The following SLCO3A1 variants were observed in gnomAD, a reference collection of about 807,000 sequenced individuals.
SLCO3A1 encodes the protein PGE1 transporter.
Under a neutral mutation model 63.1 loss-of-function variants are expected in SLCO3A1, and 27 were observed. The ratio of observed to expected loss-of-function variants is 0.43; its 90% CI spans 0.32 to 0.59. SLCO3A1 has a LOEUF of 0.59. Ranked by LOEUF, SLCO3A1 falls within the 20% of genes least tolerant of loss-of-function variation. The pLI is 0.09. For synonymous variants in SLCO3A1, 473 were observed against 409.9 expected (o/e 1.15, Z -1.86); for missense variants, 773 against 945.8 (o/e 0.82, Z 2.40).
intron 7 of SLCO3A1, among the ~76,000 whole-genome samples, chr15:92,145,460 T>C (rs1400159684): frequency 6.6e-6 from 1 of 152,166 alleles, no homozygotes; most frequent in African/African-American, 2.4e-5. Context: ...GAAAAGATGC[T>C]AGGGAAAGAA....
chr15:92,059,058 G>A lies in SLCO3A1; in HGVS notation c.647-35823G>A, dbSNP rs1275819708. The stretch of plus-strand genomic sequence containing the variant: ...AGGGTTGGAGCAGTATCTGTTTGAA[G>A]GCACTATCCAACCCACTCTGTCACT... On this transcript the variant is annotated intron_variant, in intron 2 of 9. Transcript: ENST00000318445. Among the ~76,000 whole-genome samples, 3 of 152,186 alleles carry A rather than the reference G, an allele frequency of 2.0e-5. No homozygotes were observed. In the East Asian group the frequency reaches 5.8e-4, roughly 29 times the overall value.
At position 92,165,798 on chromosome 15, in the gene SLCO3A1, C is replaced by T; in HGVS notation, c.*2663C>T. ...TGTACATACAACACTAGATCCAGCC[C>T]CTCGATTATCTGTTTGGTTTCAAGT... On this transcript the variant is annotated 3_prime_UTR_variant, in exon 10 of 10. Coordinates refer to ENST00000318445, the MANE Select transcript of SLCO3A1 (RefSeq NM_013272.4). 2.0e-6 allele frequency: 2 copies of T among 985,288 alleles called. No individual in the cohort carries two copies. Among genetic ancestry groups the T allele is most frequent in the Non-Finnish European group, 2.4e-6 (2 of 829,850 alleles). The allele number at this position is 985,288 out of a possible 1,614,324, so 61.0% of individuals were successfully genotyped here.
Position 92,120,573 on chromosome 15 carries a change from G to T in SLCO3A1, c.1118G>T (p.Gly373Val). Reference sequence around the variant, plus strand: ...GTGGCTGGCTTCGCTGCCTTTTTGGGGAAGTACCTGGAGCAGCAGTTTAAC... The same window carrying T: ...GTGGCTGGCTTCGCTGCCTTTTTGGTGAAGTACCTGGAGCAGCAGTTTAAC... ...AVVAGFAAFL[G>V]KYLEQQFNLT... is the part of the protein sequence containing the mutation. The change falls in exon 5 of 10, where the codon GGG becomes GTG. Residue 373 changes from glycine (G) to valine (V), a missense_variant. Around this residue, in one of 3 missense-constraint regions of SLCO3A1, gnomAD observed 565 missense variants for 749.8 expected, o/e 0.75. Coordinates refer to ENST00000318445, the MANE Select transcript of SLCO3A1 (RefSeq NM_013272.4). The T allele has an allele frequency of 6.2e-7, 1 of 1,613,962 alleles. No homozygotes were observed. Among genetic ancestry groups the T allele is most frequent in the Non-Finnish European group, 8.5e-7 (1 of 1,179,972 alleles).
chr15:92,016,266 A>ATAGAT (rs1555424467), intron 2 of SLCO3A1, among the ~76,000 whole-genome samples: 11 of 134,912 alleles, frequency 8.2e-5, no homozygotes, highest in South Asian at 2.3e-4. Flanking sequence ...AGATAGATAG[A>ATAGAT]TAGATAGATA....
At chr15:91,973,707 T>G (rs1216071610) in intron 2 of SLCO3A1, among the ~76,000 whole-genome samples, 1 of 152,062 alleles carries the variant, frequency 6.6e-6, no homozygotes, top group Non-Finnish European at 1.5e-5. Context: ...TGGCATCTAG[T>G]GGGGAGAGGC....
At chr15:92,160,181 C>T (rs183575754) in intron 9 of SLCO3A1, among the ~76,000 whole-genome samples, 5 of 152,126 alleles carry the variant, frequency 3.3e-5, no homozygotes, top group East Asian at 1.9e-4. Context: ...GATTATGCCC[C>T]GTGCAGAGAT....
At chr15:91,936,605 G>T (rs1168786442) in intron 2 of SLCO3A1, among the ~76,000 whole-genome samples, 2 of 152,216 alleles carry the variant, frequency 1.3e-5, no homozygotes, top group African/African-American at 4.8e-5. Context: ...AAATAGAAAA[G>T]AATGCATGTC....
At chr15:91,901,044 ATTTGT>A (rs1898141854) in intron 1 of SLCO3A1, among the ~76,000 whole-genome samples, 1 of 151,240 alleles carries the variant, frequency 6.6e-6, no homozygotes, top group Non-Finnish European at 1.5e-5. Flanking sequence ...CCATTTTGTG[ATTTGT>A]TTTATGTCTC....
intron 5 of SLCO3A1, among the ~76,000 whole-genome samples, chr15:92,121,061 AC>A (rs1188846417): frequency 2.5e-4 from 38 of 152,184 alleles, no homozygotes; most frequent in Non-Finnish European, 7.3e-5. Flanking sequence ...TGTGCCCACA[AC>A]AGACATAACT....
Position 91,881,776 on chromosome 15 carries a change from G to A in SLCO3A1, c.180+27688G>A, listed in dbSNP as rs976801966. On this transcript the variant is annotated intron_variant, in intron 1 of 9. Coordinates refer to ENST00000318445, the MANE Select transcript of SLCO3A1 (RefSeq NM_013272.4). ...CCGAGTCTACCAGGAAGGGAAACAC[G>A]AACACATACTCCCCTGGCCCAGACT... is the stretch of plus-strand genomic sequence containing the variant. Among the ~76,000 whole-genome samples, 12 of 152,232 alleles carry A rather than the reference G, an allele frequency of 7.9e-5. No homozygotes were observed. The East Asian group carries it at 2.3e-3, about 29-fold the overall frequency.
At position 92,132,335 on chromosome 15, in the gene SLCO3A1, AT is replaced by A. The variant is rs1279340614; in HGVS notation, c.1512+3858del. On this transcript the variant is annotated intron_variant, in intron 7 of 9. Transcript: ENST00000318445. ...AACTTTTCTTCCTGCTCTGGATTGG[AT>A]TTTTTTTTTTTATTTTCTTATATCT... Among the ~76,000 whole-genome samples the A allele has an allele frequency of 4.3e-3, 600 of 138,330 alleles. 37 individuals carry two copies. The highest frequency in any genetic ancestry group is 0.012 in the African/African-American group (453 of 38,636). The allele number at this position is 138,330 out of a possible 152,430, so 90.7% of individuals were successfully genotyped here. A position where few individuals can be genotyped will look rare whatever the true frequency, so the allele number is the denominator to read the frequency against.
intron 9 of SLCO3A1, 33 bp downstream of exon 9, chr15:92,151,047 A>G (rs2048298959): frequency 1.4e-6 from 2 of 1,436,334 alleles, no homozygotes; most frequent in Non-Finnish European, 2.0e-6. Flanking sequence ...CTCAATAATG[A>G]ATTGGATGCT....
At chr15:92,141,571 C>A (rs1793527099) in intron 7 of SLCO3A1, among the ~76,000 whole-genome samples, 1 of 152,218 alleles carries the variant, frequency 6.6e-6, no homozygotes, top group Non-Finnish European at 1.5e-5. Context: ...ATTTGCAGAT[C>A]TAGGGCTTCC....
At chr15:92,098,676 A>T (rs2047568663) in intron 3 of SLCO3A1, among the ~76,000 whole-genome samples, 1 of 152,274 alleles carries the variant, frequency 6.6e-6, no homozygotes, top group South Asian at 2.1e-4. Flanking sequence ...GCACATTCTC[A>T]TGGGAGTGTA....
intron 2 of SLCO3A1, among the ~76,000 whole-genome samples, chr15:92,014,082 C>T (rs2046398646): frequency 6.6e-6 from 1 of 152,170 alleles, no homozygotes; most frequent in African/African-American, 2.4e-5. Flanking sequence ...TTTATCTCCC[C>T]AGATCCAGGC....
At chr15:92,128,558 T>G in intron 7 of SLCO3A1, 69 bp downstream of exon 7, 1 of 1,440,966 alleles carries the variant, frequency 6.9e-7, no homozygotes, top group South Asian at 1.3e-5. Flanking sequence ...CCCAAGTTTT[T>G]GCCCAGGTTG....
chr15:92,162,857 A>T lies in SLCO3A1; in HGVS notation c.1855A>T (p.Asn619Tyr). The change falls in exon 10 of 10, where the codon AAT becomes TAT. Residue 619 changes from asparagine to tyrosine, a missense_variant. Coordinates refer to ENST00000318445, the MANE Select transcript of SLCO3A1 (RefSeq NM_013272.4). Reference sequence around the variant, plus strand: ...GCAAGGCGCCTGCGTCCTCTACGACAATGTGGTCTACCGATACCTGTATGT... The same window carrying T: ...GCAAGGCGCCTGCGTCCTCTACGACTATGTGGTCTACCGATACCTGTATGT... ...GEQGACVLYD[N>Y]VVYRYLYVSI... The T allele has an allele frequency of 6.2e-7, 1 of 1,614,170 alleles. No homozygotes were observed. Among genetic ancestry groups the T allele is most frequent in the Non-Finnish European group, 8.5e-7 (1 of 1,180,034 alleles).
At chr15:91,888,886 G>T (rs1469419850) in intron 1 of SLCO3A1, among the ~76,000 whole-genome samples, 2 of 152,056 alleles carry the variant, frequency 1.3e-5, no homozygotes, top group African/African-American at 4.8e-5. Flanking sequence ...GCACACACCT[G>T]TAGCTCTAGC....
chr15:92,017,855 T>C (rs901731525), intron 2 of SLCO3A1, among the ~76,000 whole-genome samples: 1 of 151,848 alleles, frequency 6.6e-6, no homozygotes, highest in African/African-American at 2.4e-5. Flanking sequence ...CTTGGAGACA[T>C]AGGCAGAGGT....
Sources: gnomAD v4.1 joint callset for allele counts (sites outside exome capture counted in the v4.1 genomes callset) on GRCh38, gnomAD v4.1.1 for gene constraint, gnomAD v4.1.1 regional missense constraint, MANE v1.5 for transcripts, NCBI Gene and HGNC (gene_info 2026-07-23, HGNC 2026-07-21) for gene names.